Variants in CPEB2 observed in about 807,000 individuals in gnomAD.
The protein encoded by CPEB2 is cytoplasmic polyadenylation element-binding protein 2.
Under a neutral mutation model 93.6 loss-of-function variants are expected in CPEB2, and 56 were observed. That is an observed-to-expected ratio of 0.60 (90% CI 0.48 to 0.75). The LOEUF is 0.75. Ranked by LOEUF, CPEB2 falls within the 30% of genes least tolerant of loss-of-function variation. The pLI is 0.00. For synonymous variants in CPEB2, 764 were observed against 586.3 expected (o/e 1.30, Z -4.38); for missense variants, 1,579 against 1,395.1 (o/e 1.13, Z -2.10).
At chr4:15,038,379 C>A (rs970500267) in intron 5 of CPEB2, among the ~76,000 whole-genome samples, 1 of 152,088 alleles carries the variant, frequency 6.6e-6, no homozygotes, top group Non-Finnish European at 1.5e-5. Flanking sequence ...TGACTTTAAA[C>A]TTGATGAAAA....
chr4:15,018,943 T>C (rs1261161072), intron 4 of CPEB2, among the ~76,000 whole-genome samples: 6 of 22,920 alleles, frequency 2.6e-4, no homozygotes, highest in Admixed American at 2.5e-3. Context: ...ATTTTATATA[T>C]ATATATATAT....
At chr4:15,026,307 A>G (rs1244369931) in intron 4 of CPEB2, among the ~76,000 whole-genome samples, 1 of 151,442 alleles carries the variant, frequency 6.6e-6, no homozygotes, top group Non-Finnish European at 1.5e-5. Flanking sequence ...GCTCACTGCA[A>G]CCTCCACCTC....
At chr4:15,014,472 T>G (rs1419149636) in intron 3 of CPEB2, among the ~76,000 whole-genome samples, 2 of 152,022 alleles carry the variant, frequency 1.3e-5, no homozygotes, top group African/African-American at 4.8e-5. Context: ...TCTGGGAACT[T>G]TCAGTATTGT....
chr4:15,020,633 T>A (rs887198959), intron 4 of CPEB2, among the ~76,000 whole-genome samples: 6 of 152,084 alleles, frequency 3.9e-5, no homozygotes, highest in Non-Finnish European at 8.8e-5. Context: ...GTAGGAAGGG[T>A]CTAGTCTTGT....
chr4:15,050,154 A>C (rs550831071), intron 6 of CPEB2, among the ~76,000 whole-genome samples: 2 of 152,336 alleles, frequency 1.3e-5, no homozygotes, highest in East Asian at 3.9e-4. Context: ...AGGTGAGTGG[A>C]GGGCAAGTGA....
intron 1 of CPEB2, 41 bp downstream of exon 1, chr4:15,004,376 G>C (rs926906088): frequency 2.2e-6 from 3 of 1,370,472 alleles, no homozygotes; most frequent in Admixed American, 3.6e-5. Context: ...GGGACCGGGA[G>C]ACCATGGGCG....
At position 15,002,870 on chromosome 4, in the gene CPEB2, C is replaced by T. The variant is rs1354457675; in HGVS notation, c.197C>T (p.Ser66Phe). ...TTCTTAGAGGCCGCCTCCCCCTTCT[C>T]CGTCCCCCTCGGCGGCGGCGCGGGC... ...TGFLEAASPF[S>F]VPLGGGAGSP... Residue 66 changes from serine (S) to phenylalanine (F), a missense_variant, in exon 1 of 12, where the codon TCC (serine) becomes TTC (phenylalanine). This residue lies in a region of CPEB2 where 1,411 missense variants were observed against 1,056.0 expected (regional missense o/e 1.34). Coordinates refer to ENST00000538197, the MANE Select transcript of CPEB2 (RefSeq NM_001177382.2). The T allele has an allele frequency of 6.5e-7, 1 of 1,528,998 alleles. No individual in the cohort carries two copies. The highest frequency in any genetic ancestry group is 8.7e-7 in the Non-Finnish European group (1 of 1,144,854). The allele number at this position is 1,528,998 out of a possible 1,614,324, so 94.7% of individuals were successfully genotyped here.
At chr4:15,008,672 A>G (rs1052570073) in intron 3 of CPEB2, among the ~76,000 whole-genome samples, 1 of 152,204 alleles carries the variant, frequency 6.6e-6, no homozygotes, top group African/African-American at 2.4e-5. Context: ...GGAAAAAGGA[A>G]TTATATACAC....
At position 15,050,556 on chromosome 4, in the gene CPEB2, A is replaced by G. The variant is rs573295335; in HGVS notation, c.2201-1858A>G. ...CGTAATAAAACTCTAAATACATGCA[A>G]TGTGACTCCTACCCAACTTTCCTGA... On this transcript the variant is annotated intron_variant, in intron 6 of 11. Transcript: ENST00000538197. 3.3e-5 allele frequency among the ~76,000 whole-genome samples: 5 copies of G among 152,296 alleles called. No homozygotes were observed. In the South Asian group the frequency reaches 8.3e-4, roughly 25 times the overall value.
intron 6 of CPEB2, 37 bp from the exon 7 acceptor site, chr4:15,052,377 G>C (rs769397027): frequency 4.6e-6 from 6 of 1,298,948 alleles, no homozygotes; most frequent in Middle Eastern, 2.0e-4. Context: ...CATTTTCTCA[G>C]ATCTGAGATT....
chr4:15,048,686 G>A (rs1727943258), intron 6 of CPEB2, among the ~76,000 whole-genome samples: 1 of 151,766 alleles, frequency 6.6e-6, no homozygotes. Flanking sequence ...TTTCTAATAT[G>A]CTTTTAAAAC....
intron 4 of CPEB2, among the ~76,000 whole-genome samples, chr4:15,029,683 G>A (rs1725871110): frequency 6.6e-6 from 1 of 152,036 alleles, no homozygotes; most frequent in East Asian, 1.9e-4. Context: ...GAGTAAGATA[G>A]AAGTTTGTTT....
intron 1 of CPEB2, among the ~76,000 whole-genome samples, chr4:15,006,051 C>T (rs1303788364): frequency 8.4e-6 from 1 of 118,670 alleles, no homozygotes; most frequent in Non-Finnish European, 2.0e-5. Flanking sequence ...AGAGGTCACA[C>T]AGCTTTCATA....
chr4:15,060,018 G>A (rs1374391345), intron 10 of CPEB2, among the ~76,000 whole-genome samples: 1 of 152,144 alleles, frequency 6.6e-6, no homozygotes, highest in Non-Finnish European at 1.5e-5. Context: ...CTGATATCTT[G>A]AAGGTATTTG....
At chr4:15,055,926 A>G (rs1329242922) in intron 8 of CPEB2, among the ~76,000 whole-genome samples, 2 of 152,108 alleles carry the variant, frequency 1.3e-5, no homozygotes, top group Non-Finnish European at 2.9e-5. Flanking sequence ...TGATCACAGA[A>G]AACATTGAGG....
chr4:15,005,437 C>G (rs543058248), intron 1 of CPEB2, among the ~76,000 whole-genome samples: 1 of 152,112 alleles, frequency 6.6e-6, no homozygotes, highest in African/African-American at 2.4e-5. Context: ...TTTTTTGATT[C>G]AAGATCTTTT....
chr4:15,024,709 G>C (rs576042747), intron 4 of CPEB2, among the ~76,000 whole-genome samples: 1 of 147,412 alleles, frequency 6.8e-6, no homozygotes, highest in Non-Finnish European at 1.5e-5. Context: ...TATATCTTCA[G>C]TTCTTGGAAT....
chr4:15,012,953 T>G (rs564146760), intron 3 of CPEB2, among the ~76,000 whole-genome samples: 1 of 152,004 alleles, frequency 6.6e-6, no homozygotes, highest in Non-Finnish European at 1.5e-5. Flanking sequence ...AAAATTAATA[T>G]CTCTTCAAAA....
chr4:15,021,676 G>T (rs1014559269), intron 4 of CPEB2, among the ~76,000 whole-genome samples: 12 of 152,120 alleles, frequency 7.9e-5, no homozygotes, highest in African/African-American at 2.9e-4. Flanking sequence ...AAGTCGTAAT[G>T]CCTTTACCAG....
Sources: gnomAD v4.1 joint callset for allele counts (sites outside exome capture counted in the v4.1 genomes callset) on GRCh38, gnomAD v4.1.1 for gene constraint, gnomAD v4.1.1 regional missense constraint, MANE v1.5 for transcripts, NCBI Gene and HGNC (gene_info 2026-07-23, HGNC 2026-07-21) for gene names.